The following NECAB1 variants were observed in gnomAD, a reference collection of about 807,000 sequenced individuals.
NECAB1 encodes the protein N-terminal EF-hand calcium binding protein 1, also known as N-terminal EF-hand calcium-binding protein 1.
Under a neutral mutation model 57.5 loss-of-function variants are expected in NECAB1, and 29 were observed. The observed-to-expected ratio is 0.50, with a 90% CI of 0.38 to 0.69. The LOEUF is 0.69. Ranked by LOEUF, NECAB1 falls within the 30% of genes least tolerant of loss-of-function variation. The probability of loss-of-function intolerance (pLI) is 0.00; values close to 1 mark genes in which losing one functional copy is unlikely to be tolerated. For missense variants in NECAB1, 372 were observed against 413.8 expected (o/e 0.90, Z 0.88); for synonymous variants, 142 against 147.7 (o/e 0.96, Z 0.28).
At chr8:90,814,435 C>A (rs535965496) in intron 2 of NECAB1, among the ~76,000 whole-genome samples, 2 of 152,146 alleles carry the variant, frequency 1.3e-5, no homozygotes, top group Non-Finnish European at 2.9e-5. Context: ...AACCCACACC[C>A]AAGGAGAGGG....
At chr8:90,843,012 T>A (rs763798651) in intron 3 of NECAB1, among the ~76,000 whole-genome samples, 3 of 152,090 alleles carry the variant, frequency 2.0e-5, no homozygotes, top group Non-Finnish European at 4.4e-5. Context: ...TAAAGAAAAA[T>A]GAACTCACAG....
intron 2 of NECAB1, among the ~76,000 whole-genome samples, chr8:90,802,387 C>T (rs1011659495): frequency 4.6e-5 from 7 of 152,196 alleles, no homozygotes; most frequent in Admixed American, 1.3e-4. Flanking sequence ...CAGTATCTTT[C>T]GACTCTATTA....
At chr8:90,937,485 T>C (rs1315962423) in intron 9 of NECAB1, among the ~76,000 whole-genome samples, 2 of 152,144 alleles carry the variant, frequency 1.3e-5, no homozygotes, top group East Asian at 1.9e-4. Context: ...AAAAAACTTA[T>C]ATATCTCTTA....
chr8:90,843,410 A>T (rs553028570), intron 3 of NECAB1, among the ~76,000 whole-genome samples: 3 of 152,210 alleles, frequency 2.0e-5, no homozygotes, highest in Admixed American at 1.3e-4. Context: ...AAAGAGAAGG[A>T]TCTTTTTATG....
rs201321714 is a variant in NECAB1 at position 90,889,960 on chromosome 8, A to T, written c.357+8830A>T. 9.7e-3 allele frequency among the ~76,000 whole-genome samples: 1,466 copies of T among 151,278 alleles called. 24 individuals carry two copies. The highest frequency in any genetic ancestry group is 0.033 in the African/African-American group (1,375 of 41,270). On this transcript the variant is annotated intron_variant, in intron 5 of 12. Transcript: ENST00000417640. Reference sequence around the variant, plus strand: ...GTCAACTTTTAACTGTGTGTGTGTGAGTGTGTGTGTGTGTGTTTGTGTGTG... The same window carrying T: ...GTCAACTTTTAACTGTGTGTGTGTGTGTGTGTGTGTGTGTGTTTGTGTGTG...
At chr8:90,854,648 G>T (rs1261347057) in intron 3 of NECAB1, among the ~76,000 whole-genome samples, 1 of 152,184 alleles carries the variant, frequency 6.6e-6, no homozygotes, top group Non-Finnish European at 1.5e-5. Context: ...CCCCTGCCTT[G>T]TTCAGTGAGC....
intron 3 of NECAB1, among the ~76,000 whole-genome samples, chr8:90,852,582 C>A (rs1254003996): frequency 6.6e-6 from 1 of 152,150 alleles, no homozygotes; most frequent in South Asian, 2.1e-4. Flanking sequence ...CATGGCCCAC[C>A]CTGCCCTCCA....
At chr8:90,932,469 A>G (rs1424218743) in intron 8 of NECAB1, among the ~76,000 whole-genome samples, 2 of 152,238 alleles carry the variant, frequency 1.3e-5, no homozygotes, top group Admixed American at 6.5e-5. Flanking sequence ...AGTGCTATAA[A>G]GAAAAAGTAG....
chr8:90,812,984 T>G (rs543901224), intron 2 of NECAB1: 2 of 151,758 alleles, frequency 1.3e-5, no homozygotes, highest in African/African-American at 2.4e-5. Flanking sequence ...GTCAGGAGTT[T>G]GAGACCATCC....
At chr8:90,869,356 G>A (rs772909577) in intron 3 of NECAB1, among the ~76,000 whole-genome samples, 16 of 152,178 alleles carry the variant, frequency 1.1e-4, no homozygotes, top group African/African-American at 2.9e-4. Context: ...GGCCATCATC[G>A]TCCAGACCCC....
chr8:90,805,022 T>G (rs1208743656), intron 2 of NECAB1, among the ~76,000 whole-genome samples: 2 of 152,374 alleles, frequency 1.3e-5, no homozygotes, highest in East Asian at 3.9e-4. Flanking sequence ...CTGTTTTTTC[T>G]TCTGTGATGA....
chr8:90,837,059 TC>T (rs1236986598), intron 3 of NECAB1, among the ~76,000 whole-genome samples: 1 of 152,242 alleles, frequency 6.6e-6, no homozygotes, highest in African/African-American at 2.4e-5. Flanking sequence ...CACATTTAAG[TC>T]ATCATTTTTT....
At chr8:90,821,508 C>T (rs549348331) in intron 2 of NECAB1, among the ~76,000 whole-genome samples, 2 of 151,674 alleles carry the variant, frequency 1.3e-5, no homozygotes, top group Non-Finnish European at 2.9e-5. Context: ...AGTTTCCAAC[C>T]CAAGTCTTTT....
intron 1 of NECAB1, among the ~76,000 whole-genome samples, chr8:90,800,200 T>C (rs1811738397): frequency 6.6e-6 from 1 of 152,202 alleles, no homozygotes; most frequent in Non-Finnish European, 1.5e-5. Context: ...CCCAGGAGGC[T>C]TTTGGTGGAG....
At chr8:90,875,844 C>CAAAAAAAAAAAAAAAAAAAA (rs5893141) in intron 4 of NECAB1, among the ~76,000 whole-genome samples, 4 of 88,438 alleles carry the variant, frequency 4.5e-5, no homozygotes, top group African/African-American at 1.4e-4. Context: ...ACTAAAAATA[C>CAAAAAAAAAAAAAAAAAAAA]AAAAAAAAAA....
Position 90,957,679 on chromosome 8 carries a change from A to AAAAAAG in NECAB1, c.*2185_*2190dup, listed in dbSNP as rs1253462322. The AAAAAAG allele has an allele frequency of 2.7e-5, 4 of 150,688 alleles. No homozygotes were observed. The highest frequency in any genetic ancestry group is 4.1e-4 in the South Asian group (2 of 4,826). 9.3% of individuals were successfully genotyped at this position (150,688 alleles called of 1,614,324 possible). The stretch of plus-strand genomic sequence containing the variant: ...AAAAGGAAACTAGTAGGGCCAAAAA[A>AAAAAAG]AAAAAGAAAAAGAAAAAGAAAAAAG... On this transcript the variant is annotated 3_prime_UTR_variant, in exon 13 of 13. Coordinates refer to ENST00000417640, the MANE Select transcript of NECAB1 (RefSeq NM_022351.5).
chr8:90,817,163 G>A (rs1363542396), intron 2 of NECAB1, among the ~76,000 whole-genome samples: 1 of 151,692 alleles, frequency 6.6e-6, no homozygotes, highest in Non-Finnish European at 1.5e-5. Context: ...TGTATCGTAT[G>A]ACTTTGGTAT....
chr8:90,862,231 G>A (rs887053081), intron 3 of NECAB1, among the ~76,000 whole-genome samples: 4 of 152,120 alleles, frequency 2.6e-5, no homozygotes, highest in African/African-American at 9.7e-5. Context: ...ACTTTCTGAT[G>A]AAACGGATAT....
chr8:90,942,309 A>T (rs1311092833), intron 10 of NECAB1, among the ~76,000 whole-genome samples: 2 of 151,956 alleles, frequency 1.3e-5, no homozygotes, highest in Non-Finnish European at 2.9e-5. Flanking sequence ...TGCGTTTACT[A>T]CTGTTTCCTG....
Sources: gnomAD v4.1 joint callset for allele counts (sites outside exome capture counted in the v4.1 genomes callset) on GRCh38, gnomAD v4.1.1 for gene constraint, MANE v1.5 for transcripts, NCBI Gene and HGNC (gene_info 2026-07-23, HGNC 2026-07-21) for gene names.